The following THADA variants were observed in gnomAD, a reference collection of about 807,000 sequenced individuals.
THADA encodes the protein THADA armadillo repeat containing, also known as tRNA (32-2'-O)-methyltransferase regulator THADA.
A neutral mutation model predicts 219.8 loss-of-function variants in THADA; 213 were observed. The ratio of observed to expected loss-of-function variants is 0.97; its 90% CI spans 0.87 to 1.09. THADA has a LOEUF of 1.09. Ranked by LOEUF, THADA falls within the 50% of genes least tolerant of loss-of-function variation. The pLI is 0.00. For missense variants in THADA, 2,956 were observed against 2,311.3 expected (o/e 1.28, Z -5.72); for synonymous variants, 1,018 against 828.9 (o/e 1.23, Z -3.92).
In THADA at chr2:43,397,970, C is replaced by G; in HGVS notation, c.4227+1G>C. The G allele has an allele frequency of 6.2e-7, 1 of 1,613,688 alleles. No homozygotes were observed. The highest frequency in any genetic ancestry group is 1.3e-5 in the African/African-American group (1 of 75,050). ...AAGTCACACAAAGCAACTTTACTTA[C>G]CTGGAGAAGTGTCCCATGAATGTGG... is the stretch of plus-strand genomic sequence containing the variant. On this transcript the variant is annotated splice_donor_variant, in intron 29 of 37. Transcript: ENST00000405975. LOFTEE classifies it high-confidence loss of function.
chr2:43,294,363 C>G (rs1194499494), intron 31 of THADA, among the ~76,000 whole-genome samples: 1 of 152,150 alleles, frequency 6.6e-6, no homozygotes, highest in Non-Finnish European at 1.5e-5. Context: ...ATAACCTAGG[C>G]CTCAAAGAGG....
chr2:43,400,478 A>ATATATATATAT (rs10687373), intron 28 of THADA, among the ~76,000 whole-genome samples: 1,623 of 116,790 alleles, frequency 0.014, 72 homozygotes, highest in Middle Eastern at 0.022. Context: ...TATATATATA[A>ATATATATATAT]ATATATACAC....
At chr2:43,578,481 A>C (rs774416400) in intron 9 of THADA, 32 bp downstream of exon 9, 1 of 1,535,598 alleles carries the variant, frequency 6.5e-7, no homozygotes, top group Non-Finnish European at 9.0e-7. Context: ...AACTCTCAAT[A>C]AAGTACAATT....
chr2:43,248,293 G>A (rs557541308), intron 36 of THADA, among the ~76,000 whole-genome samples: 5 of 150,974 alleles, frequency 3.3e-5, no homozygotes, highest in Admixed American at 3.3e-4. Context: ...GCAGTGGCAT[G>A]ATCTCGGTTC....
chr2:43,471,575 G>C (rs1398240191), intron 26 of THADA, among the ~76,000 whole-genome samples: 1 of 152,100 alleles, frequency 6.6e-6, no homozygotes, highest in Non-Finnish European at 1.5e-5. Flanking sequence ...TCTAAAATTG[G>C]TAAGTTTCTC....
chr2:43,530,468 T>C (rs750087117), intron 21 of THADA, among the ~76,000 whole-genome samples: 9 of 152,182 alleles, frequency 5.9e-5, no homozygotes, highest in Non-Finnish European at 7.4e-5. Flanking sequence ...AAATAAGGAC[T>C]AGAAGAACCA....
intron 35 of THADA, among the ~76,000 whole-genome samples, chr2:43,286,594 A>G (rs1311576029): frequency 6.6e-6 from 1 of 152,050 alleles, no homozygotes; most frequent in East Asian, 1.9e-4. Context: ...TACAAAAATT[A>G]GCTGGGTTTG....
chr2:43,431,821 C>A (rs1337091520), intron 26 of THADA, among the ~76,000 whole-genome samples: 1 of 58,086 alleles, frequency 1.7e-5, no homozygotes, highest in African/African-American at 1.1e-4. Flanking sequence ...CCCGCCACCA[C>A]GCCCGGATAA....
At chr2:43,334,689 G>C (rs890642855) in intron 30 of THADA, among the ~76,000 whole-genome samples, 9 of 151,916 alleles carry the variant, frequency 5.9e-5, no homozygotes, top group Non-Finnish European at 5.9e-5. Context: ...GCAGGAGAAT[G>C]GCGTGAACCT....
intron 26 of THADA, among the ~76,000 whole-genome samples, chr2:43,478,533 C>T (rs1347133367): frequency 6.6e-6 from 1 of 152,096 alleles, no homozygotes; most frequent in Non-Finnish European, 1.5e-5. Context: ...ATTAGTCTGG[C>T]CCATATAAAA....
chr2:43,261,380 T>C (rs1327887696), intron 36 of THADA, among the ~76,000 whole-genome samples: 1 of 151,444 alleles, frequency 6.6e-6, no homozygotes, highest in African/African-American at 2.4e-5. Context: ...TGCACCATCA[T>C]GCCCAGCTAA....
chr2:43,304,643 T>C (rs1224513241), intron 31 of THADA, among the ~76,000 whole-genome samples: 1 of 151,564 alleles, frequency 6.6e-6, no homozygotes, highest in South Asian at 2.1e-4. Flanking sequence ...CTTAAAAAAG[T>C]AGGAGACGAA....
At chr2:43,368,109 ACT>A (rs1670376586) in intron 29 of THADA, among the ~76,000 whole-genome samples, 1 of 152,084 alleles carries the variant, frequency 6.6e-6, no homozygotes, top group Non-Finnish European at 1.5e-5. Context: ...AAAGAGCAAA[ACT>A]CTATCTCACA....
intron 30 of THADA, among the ~76,000 whole-genome samples, chr2:43,325,121 CTTTAAA>C (rs773264360): frequency 6.6e-6 from 1 of 152,186 alleles, no homozygotes; most frequent in African/African-American, 2.4e-5. Flanking sequence ...CTCTGAACTT[CTTTAAA>C]TCTCCTGCCC....
intron 15 of THADA, among the ~76,000 whole-genome samples, chr2:43,560,624 T>C (rs983054990): frequency 5.3e-5 from 8 of 152,206 alleles, no homozygotes; most frequent in Non-Finnish European, 1.0e-4. Context: ...TGAAAGATAC[T>C]ATATAAAAGA....
chr2:43,291,539 C>T (rs559468947), intron 34 of THADA, among the ~76,000 whole-genome samples, 157 bp downstream of exon 34: 1 of 148,446 alleles, frequency 6.7e-6, no homozygotes, highest in Admixed American at 6.8e-5. Context: ...AAGTTATACT[C>T]GAATTGAAAA....
At chr2:43,559,473 A>G (rs1397684731) in intron 16 of THADA, among the ~76,000 whole-genome samples, 2 of 152,218 alleles carry the variant, frequency 1.3e-5, no homozygotes, top group African/African-American at 4.8e-5. Context: ...GCTCAGCTGC[A>G]GCAGAAACCC....
intron 29 of THADA, among the ~76,000 whole-genome samples, chr2:43,358,431 A>G (rs2104580439): frequency 6.6e-6 from 1 of 152,228 alleles, no homozygotes; most frequent in Middle Eastern, 3.4e-3. Flanking sequence ...GTGGCTGAAG[A>G]GCAGGTCAGA....
At chr2:43,543,584 G>A (rs1274592572) in intron 20 of THADA, among the ~76,000 whole-genome samples, 1 of 151,896 alleles carries the variant, frequency 6.6e-6, no homozygotes, top group African/African-American at 2.4e-5. Context: ...GTGTGAGATG[G>A]TATCTCATTG....
Sources: allele counts gnomAD v4.1 joint callset (sites outside exome capture counted in the v4.1 genomes callset), GRCh38; gene constraint gnomAD v4.1.1; transcripts MANE v1.5; gene names NCBI Gene and HGNC (gene_info 2026-07-23, HGNC 2026-07-21).